PYROXD2: variants seen among roughly 807,000 people sequenced by gnomAD.
PYROXD2 encodes pyridine nucleotide-disulfide oxidoreductase domain-containing protein 2.
A neutral mutation model predicts 71.1 loss-of-function variants in PYROXD2; 69 were observed. That is an observed-to-expected ratio of 0.97 (90% CI 0.80 to 1.19). PYROXD2 has a LOEUF of 1.19. Among genes scored for constraint, PYROXD2 ranks in the 50% most tolerant of loss-of-function variants. The pLI is 0.00. For synonymous variants in PYROXD2, 287 were observed against 302.7 expected (o/e 0.95, Z 0.54); for missense variants, 745 against 748.9 (o/e 0.99, Z 0.06).
intron 12 of PYROXD2, 87 bp downstream of exon 12, chr10:98,390,511 T>C (rs554979902): frequency 1.5e-4 from 213 of 1,427,088 alleles, no homozygotes; most frequent in Non-Finnish European, 1.9e-4. Context: ...ACACCAGGCC[T>C]GATCCCTGCT....
intron 14 of PYROXD2, among the ~76,000 whole-genome samples, chr10:98,386,268 A>T (rs1390108008): frequency 7.2e-6 from 1 of 138,486 alleles, no homozygotes; most frequent in African/African-American, 2.7e-5. Context: ...GTGATAGAAC[A>T]GGACCTATCT....
chr10:98,406,727 A>G (rs1321508212), intron 4 of PYROXD2, among the ~76,000 whole-genome samples: 1 of 151,946 alleles, frequency 6.6e-6, no homozygotes. Context: ...GCCCTTCTCT[A>G]CTAAAAACAC....
chr10:98,385,223 G>A lies in PYROXD2; in HGVS notation c.1555-156C>T, dbSNP rs1343376155. ...ATGCAGAAAGGGAAGGAGATGAGAC[G>A]GAATGGGCACATGCCCTGGGGCTGG... On this transcript the variant is annotated intron_variant, in intron 14 of 15. Transcript: ENST00000370575. Among the ~76,000 whole-genome samples the A allele has an allele frequency of 3.9e-5, 6 of 152,234 alleles. No individual in the cohort carries two copies. In the South Asian group the frequency reaches 8.3e-4, roughly 21 times the overall value.
intron 8 of PYROXD2, among the ~76,000 whole-genome samples, chr10:98,394,543 A>AACACACACACACACACACAC (rs58461142): frequency 2.1e-5 from 3 of 141,818 alleles, no homozygotes; most frequent in African/African-American, 5.3e-5. Context: ...TCTCCATCCC[A>AACACACACACACACACACAC]ACACACACAC....
rs148642114 is a variant in PYROXD2 at position 98,397,650 on chromosome 10, C to T, written c.472-152G>A. On this transcript the variant is annotated intron_variant, in intron 5 of 15. Coordinates refer to ENST00000370575, the MANE Select transcript of PYROXD2 (RefSeq NM_032709.3). ...TTGGCTCTGTTGAGCTCCCCCAGTT[C>T]CAGGTCTCTGGGTTAACATCAACAC... 46 of 967,932 alleles carry T rather than the reference C, an allele frequency of 4.8e-5. No individual in the cohort carries two copies. The African/African-American group carries it at 7.4e-4, about 16-fold the overall frequency. The allele number at this position is 967,932 out of a possible 1,614,324, so 60.0% of individuals were successfully genotyped here.
chr10:98,388,217 G>T, intron 13 of PYROXD2, 137 bp downstream of exon 13: 1 of 824,588 alleles, frequency 1.2e-6, no homozygotes, highest in Non-Finnish European at 1.9e-6. Context: ...GTTGACTTGA[G>T]GTTCCCTTGA....
At chr10:98,393,193 T>A in intron 8 of PYROXD2, 110 bp from the exon 9 acceptor site, 1 of 830,084 alleles carries the variant, frequency 1.2e-6, no homozygotes, top group Non-Finnish European at 1.8e-6. Flanking sequence ...CCTGCCACCA[T>A]CCAGCCCTCT....
chr10:98,401,088 A>C (rs552741147), intron 4 of PYROXD2, among the ~76,000 whole-genome samples: 1 of 152,130 alleles, frequency 6.6e-6, no homozygotes, highest in South Asian at 2.1e-4. Context: ...CCCCGTCTCT[A>C]GTAAGAATAC....
At chr10:98,396,123 A>G (rs530035954) in intron 6 of PYROXD2, among the ~76,000 whole-genome samples, 2 of 152,324 alleles carry the variant, frequency 1.3e-5, no homozygotes, top group Admixed American at 1.3e-4. Context: ...TTTGCAATGT[A>G]TAAGTCTGCA....
chr10:98,391,433 GT>G (rs1224230577), intron 10 of PYROXD2, among the ~76,000 whole-genome samples: 3 of 152,152 alleles, frequency 2.0e-5, no homozygotes, highest in Non-Finnish European at 4.4e-5. Context: ...TTTTACTGAT[GT>G]TTGTTGAATT....
At chr10:98,413,701 A>G (rs990300201) in intron 1 of PYROXD2, among the ~76,000 whole-genome samples, 4 of 152,164 alleles carry the variant, frequency 2.6e-5, no homozygotes, top group Non-Finnish European at 5.9e-5. Flanking sequence ...GCAACAGAGC[A>G]AGACTCCATC....
intron 13 of PYROXD2, 188 bp downstream of exon 13, chr10:98,388,166 T>C: frequency 1.6e-6 from 1 of 607,888 alleles, no homozygotes; most frequent in East Asian, 2.8e-5. Context: ...TGTGTCTTCT[T>C]GACTTTCTTA....
chr10:98,404,341 T>C (rs77732155), intron 4 of PYROXD2, among the ~76,000 whole-genome samples: 2,624 of 152,368 alleles, frequency 0.017, 79 homozygotes, highest in African/African-American at 0.058. Context: ...ACCATGGAGC[T>C]GTGCTGGAGA....
intron 6 of PYROXD2, among the ~76,000 whole-genome samples, chr10:98,396,170 T>C (rs7924209): frequency 0.35 from 53,931 of 152,134 alleles, 9,877 homozygotes; most frequent in South Asian, 0.44. Flanking sequence ...TTAACCTGCC[T>C]GGCTCCTTGG....
At chr10:98,411,080 C>G in intron 1 of PYROXD2, 122 bp from the exon 2 acceptor site, 1 of 1,387,598 alleles carries the variant, frequency 7.2e-7, no homozygotes, top group Admixed American at 2.0e-5. Flanking sequence ...TGGTGACCCT[C>G]CCCTCCCCTT....
intron 8 of PYROXD2, among the ~76,000 whole-genome samples, chr10:98,394,485 T>C (rs565272845): frequency 6.6e-6 from 1 of 152,160 alleles, no homozygotes; most frequent in African/African-American, 2.4e-5. Flanking sequence ...TTCTAGCTTC[T>C]AGCTGTATCT....
rs139207685 is a variant in PYROXD2 at position 98,387,369 on chromosome 10, T to C, written c.1448-62A>G. On this transcript the variant is annotated intron_variant, in intron 13 of 15. Transcript: ENST00000370575. ...GGAAGAAGAGGAGGCACTATGGGTG[T>C]ACAACTTGGCAAATTTACTAACAGT... 4.7e-4 allele frequency: 559 copies of C among 1,192,520 alleles called. 3 individuals are homozygous for C. The African/African-American group carries it at 7.2e-3, about 15-fold the overall frequency. The allele number at this position is 1,192,520 out of a possible 1,614,324, so 73.9% of individuals were successfully genotyped here.
chr10:98,400,490 C>T (rs1843358050), intron 4 of PYROXD2, among the ~76,000 whole-genome samples: 1 of 152,126 alleles, frequency 6.6e-6, no homozygotes, highest in Admixed American at 6.5e-5. Context: ...CTACACCATA[C>T]CATACATACC....
At chr10:98,384,859 C>A in intron 15 of PYROXD2, 88 bp downstream of exon 15, 1 of 1,465,592 alleles carries the variant, frequency 6.8e-7, no homozygotes. Flanking sequence ...CTGCCACCTT[C>A]ATTGCTTAAC....
Sources: allele counts gnomAD v4.1 joint callset (sites outside exome capture counted in the v4.1 genomes callset), GRCh38; gene constraint gnomAD v4.1.1; transcripts MANE v1.5; gene names NCBI Gene and HGNC (gene_info 2026-07-23, HGNC 2026-07-21).